CDKN2B: variants seen among roughly 807,000 people sequenced by gnomAD.
CDKN2B encodes the protein cyclin-dependent kinase 4 inhibitor B.
In CDKN2B, 8 loss-of-function variants were observed where a neutral mutation model predicts 7.7. That is an observed-to-expected ratio of 1.04 (90% CI 0.61 to 1.87). The LOEUF (loss-of-function observed/expected upper bound fraction) is 1.87, where lower values mean the gene tolerates loss of function less well. Among genes scored for constraint, CDKN2B ranks in the 40% most tolerant of loss-of-function variants. The pLI, the probability that CDKN2B is intolerant of heterozygous loss-of-function variation, is 0.00. For synonymous variants in CDKN2B, 93 were observed against 95.8 expected (o/e 0.97, Z 0.17); for missense variants, 244 against 213.1 (o/e 1.15, Z -0.90).
chr9:22,006,641 A>T lies in CDKN2B; in HGVS notation c.157-394T>A, dbSNP rs1821203140. ...AAGTTTTAAATTATTTGCCTTGCTGACCCCTCCTCCATAATCCAGGTCTAC... is the reference window on the plus strand; with the variant it reads ...AAGTTTTAAATTATTTGCCTTGCTGTCCCCTCCTCCATAATCCAGGTCTAC... On this transcript the variant is annotated intron_variant, in intron 1 of 1. Coordinates refer to ENST00000276925, the MANE Select transcript of CDKN2B (RefSeq NM_004936.4). The surrounding 1 kb of genome is among the most constrained non-coding windows in gnomAD (Gnocchi z 6.4). Among the ~76,000 whole-genome samples, 1 of 152,058 alleles carries T rather than the reference A, an allele frequency of 6.6e-6. No individual in the cohort carries two copies. The highest frequency in any genetic ancestry group is 2.1e-4 in the South Asian group (1 of 4,828).
chr9:22,008,097 G>A (rs907658537), intron 1 of CDKN2B, among the ~76,000 whole-genome samples: 2 of 152,164 alleles, frequency 1.3e-5, no homozygotes, highest in African/African-American at 4.8e-5. Flanking sequence ...TTGAATAAGT[G>A]TATTTTAACA....
rs1821131218 is a variant in CDKN2B, at chr9:22,005,551, A to T, written c.*436T>A. On this transcript the variant is annotated 3_prime_UTR_variant, in exon 2 of 2. Transcript: ENST00000276925. The surrounding 1 kb of genome is among the most constrained non-coding windows in gnomAD (Gnocchi z 4.9). ...TGGGTTCACCATAACTCCTCAGCAG[A>T]CATTGGAGTGAACGCATCGACTGCC... is the stretch of plus-strand genomic sequence containing the variant. The T allele has an allele frequency of 7.9e-6, 3 of 382,038 alleles. No homozygotes were observed. The South Asian group carries it at 9.5e-5, about 12-fold the overall frequency. 23.7% of individuals were successfully genotyped at this position (382,038 alleles called of 1,614,324 possible).
rs951715386 is a variant in CDKN2B at position 22,006,797 on chromosome 9, C to T, written c.157-550G>A. On this transcript the variant is annotated intron_variant, in intron 1 of 1. Transcript: ENST00000276925. This position sits in a 1 kb window ranked among gnomAD's most constrained non-coding sequence, Gnocchi z 6.4. ...TTTAGTTCTCATAGCAAATCCCGTG[C>T]GGAAGGCTTTTGTTTGTCATGTGTC... 4.0e-5 allele frequency among the ~76,000 whole-genome samples: 6 copies of T among 151,456 alleles called. No individual in the cohort carries two copies. Among genetic ancestry groups the T allele is most frequent in the African/African-American group, 1.2e-4 (5 of 41,254 alleles).
chr9:22,004,084 C>T lies in CDKN2B; in HGVS notation c.*1903G>A. Reference sequence around the variant, plus strand: ...ATTGTCCTCATCTGGGAAACAATACCTATCTCTCAGGTTTAAATATTAAAT... The same window carrying T: ...ATTGTCCTCATCTGGGAAACAATACTTATCTCTCAGGTTTAAATATTAAAT... On this transcript the variant is annotated 3_prime_UTR_variant, in exon 2 of 2. Coordinates refer to ENST00000276925, the MANE Select transcript of CDKN2B (RefSeq NM_004936.4). 4.3e-6 allele frequency: 1 copy of T among 232,574 alleles called. No individual in the cohort carries two copies. Among genetic ancestry groups the T allele is most frequent in the Non-Finnish European group, 8.5e-6 (1 of 117,666 alleles). 14.4% of individuals were successfully genotyped at this position (232,574 alleles called of 1,614,324 possible).
chr9:22,004,481 C>A lies in CDKN2B; in HGVS notation c.*1506G>T. Reference sequence around the variant, plus strand: ...ATTACAAACATTGAGAGAAGGGAACCCCTGTGAACCTTTAACATTTCTCAG... The same window carrying A: ...ATTACAAACATTGAGAGAAGGGAACACCTGTGAACCTTTAACATTTCTCAG... On this transcript the variant is annotated 3_prime_UTR_variant, in exon 2 of 2. Coordinates refer to ENST00000276925, the MANE Select transcript of CDKN2B (RefSeq NM_004936.4). 4.3e-6 allele frequency: 1 copy of A among 232,570 alleles called. No individual in the cohort carries two copies. Among genetic ancestry groups the A allele is most frequent in the East Asian group, 6.1e-5 (1 of 16,408 alleles). The allele number at this position is 232,570 out of a possible 1,614,324, so 14.4% of individuals were successfully genotyped here. A position where few individuals can be genotyped will look rare whatever the true frequency, so the allele number is the denominator to read the frequency against.
rs1821335703 is a variant in CDKN2B at position 22,008,855 on chromosome 9, G to A, written c.99C>T (p.Leu33=). 2 of 1,611,164 alleles carry A rather than the reference G, an allele frequency of 1.2e-6. No homozygotes were observed. Among genetic ancestry groups the A allele is most frequent in the East Asian group, 2.2e-5 (1 of 44,834 alleles). ...CGTTGGGATCCGCGCCGGCTTCCAGGAGCTGTCGCACCTTCTCCACTAGTC... is the reference window on the plus strand; with the variant it reads ...CGTTGGGATCCGCGCCGGCTTCCAGAAGCTGTCGCACCTTCTCCACTAGTC... ...ARGLVEKVRQ[L]LEAGADPNGV... Residue 33 remains leucine (L), a synonymous_variant, in exon 1 of 2, where the codon CTC becomes CTT. Coordinates refer to ENST00000276925, the MANE Select transcript of CDKN2B (RefSeq NM_004936.4).
chr9:22,005,848 T>A lies in CDKN2B; in HGVS notation c.*139A>T. 8.4e-7 allele frequency: 1 copy of A among 1,195,574 alleles called. No individual in the cohort carries two copies. The highest frequency in any genetic ancestry group is 2.5e-5 in the East Asian group (1 of 39,234). The allele number at this position is 1,195,574 out of a possible 1,614,324, so 74.1% of individuals were successfully genotyped here. The stretch of plus-strand genomic sequence containing the variant: ...AGGTTATTCCCGGTCGGCTCCTCCT[T>A]CCTGTGAGTCTCAGACAGGCTTGCA... On this transcript the variant is annotated 3_prime_UTR_variant, in exon 2 of 2. Coordinates refer to ENST00000276925, the MANE Select transcript of CDKN2B (RefSeq NM_004936.4). The surrounding 1 kb of genome is among the most constrained non-coding windows in gnomAD (Gnocchi z 4.9).
chr9:22,008,671 A>G (rs1377393431), intron 1 of CDKN2B, 127 bp downstream of exon 1: 1 of 1,607,636 alleles, frequency 6.2e-7, no homozygotes, highest in African/African-American at 1.3e-5. Context: ...CGTGGAATGC[A>G]CACCTCCGGC....
intron 1 of CDKN2B, among the ~76,000 whole-genome samples, chr9:22,007,982 C>G (rs575668635): frequency 6.6e-6 from 1 of 152,038 alleles, no homozygotes; most frequent in Non-Finnish European, 1.5e-5. Flanking sequence ...GAGGTGAGTA[C>G]TGAATATGAC....
At position 22,009,109 on chromosome 9, in the gene CDKN2B, C is replaced by T; in HGVS notation, c.-156G>A. ...TTACCCTCCCGTCGTCCTTCTGCGG[C>T]TTGGGGCCCCGTGCAGTGGCCGAGC... On this transcript the variant is annotated 5_prime_UTR_variant, in exon 1 of 2. Coordinates refer to ENST00000276925, the MANE Select transcript of CDKN2B (RefSeq NM_004936.4). 8.5e-7 allele frequency: 1 copy of T among 1,180,842 alleles called. No individual in the cohort carries two copies. The highest frequency in any genetic ancestry group is 1.2e-6 in the Non-Finnish European group (1 of 821,538). 73.1% of individuals were successfully genotyped at this position (1,180,842 alleles called of 1,614,324 possible). A position where few individuals can be genotyped will look rare whatever the true frequency, so the allele number is the denominator to read the frequency against.
At chr9:22,008,713 C>T in intron 1 of CDKN2B, 85 bp downstream of exon 1, 3 of 1,611,566 alleles carry the variant, frequency 1.9e-6, no homozygotes, top group Non-Finnish European at 2.5e-6. Flanking sequence ...TCTACATCGG[C>T]GATCTAGGTT....
intron 1 of CDKN2B, among the ~76,000 whole-genome samples, chr9:22,008,460 ATCT>A (rs1821302809): frequency 6.6e-6 from 1 of 152,174 alleles, no homozygotes; most frequent in South Asian, 2.1e-4. Context: ...TACTTTACTT[ATCT>A]TTATCGTTGA....
At position 22,009,014 on chromosome 9, in the gene CDKN2B, C is replaced by T; in HGVS notation, c.-61G>A. On this transcript the variant is annotated 5_prime_UTR_variant, in exon 1 of 2. Transcript: ENST00000276925. ...CCACCGTTGGCCGTAAACTTAACGA[C>T]ACTCTTCCCTTCTTTCCCACGCTGC... 2.5e-6 allele frequency: 4 copies of T among 1,609,770 alleles called. No individual in the cohort carries two copies. The Admixed American group carries it at 5.0e-5, about 20-fold the overall frequency.
Position 22,004,418 on chromosome 9 carries a change from C to T in CDKN2B, c.*1569G>A, listed in dbSNP as rs1209125622. ...TTTAATTTTCTATGGCATAAGTAAG[C>T]AGTTTTTATGAATTGCTGGTATTGC... On this transcript the variant is annotated 3_prime_UTR_variant, in exon 2 of 2. Transcript: ENST00000276925. 1.7e-5 allele frequency: 4 copies of T among 232,098 alleles called. No homozygotes were observed. The highest frequency in any genetic ancestry group is 4.4e-5 in the African/African-American group (2 of 45,284). The allele number at this position is 232,098 out of a possible 1,614,324, so 14.4% of individuals were successfully genotyped here. A position where few individuals can be genotyped will look rare whatever the true frequency, so the allele number is the denominator to read the frequency against.
rs763615328 is a variant in CDKN2B, at chr9:22,008,949, C to A, written c.5G>T (p.Arg2Leu). Residue 2 changes from arginine to leucine, a missense_variant, in exon 1 of 2, where the codon CGC (arginine) becomes CTC (leucine). Physicochemically the swap from Arg to Leu is moderately radical, Grantham distance 102. Transcript: ENST00000276925. ...ACTGGGCATGCCCTTGTTCTCCTCG[C>A]GCATTCCGCAGCCCCCAGACGCGCA... MREENKGMPSGG... is the reference protein window; with the variant it reads MLEENKGMPSGG... 1 of 1,613,058 alleles carries A rather than the reference C, an allele frequency of 6.2e-7. No individual in the cohort carries two copies. The highest frequency in any genetic ancestry group is 1.7e-5 in the Admixed American group (1 of 60,032).
rs1210079625 is a variant in CDKN2B, at chr9:22,003,502, A to G, written c.*2485T>C. 8.7e-6 allele frequency: 2 copies of G among 228,856 alleles called. No individual in the cohort carries two copies. The highest frequency in any genetic ancestry group is 1.7e-5 in the Non-Finnish European group (2 of 115,570). 14.2% of individuals were successfully genotyped at this position (228,856 alleles called of 1,614,324 possible). On this transcript the variant is annotated 3_prime_UTR_variant, in exon 2 of 2. Transcript: ENST00000276925. ...AAATTTAAACATCTTGGAATTTAAG[A>G]TATAGAGGTCAAATTAAGGGATTTT...
Position 22,005,892 on chromosome 9 carries a change from C to T in CDKN2B, c.*95G>A. ...GCTTGCAGGCTTACAGGCTTTCCGC[C>T]GCTCCCCGTTGGCAGCCTTCATCGA... On this transcript the variant is annotated 3_prime_UTR_variant, in exon 2 of 2. Transcript: ENST00000276925. The surrounding 1 kb of genome is among the most constrained non-coding windows in gnomAD (Gnocchi z 4.9). 5 of 1,507,530 alleles carry T rather than the reference C, an allele frequency of 3.3e-6. No homozygotes were observed. The highest frequency in any genetic ancestry group is 2.2e-4 in the Middle Eastern group (1 of 4,458). The allele number at this position is 1,507,530 out of a possible 1,614,324, so 93.4% of individuals were successfully genotyped here.
chr9:22,003,454 T>A lies in CDKN2B; in HGVS notation c.*2533A>T, dbSNP rs966386353. The A allele has an allele frequency of 8.8e-6, 2 of 227,476 alleles. No individual in the cohort carries two copies. The highest frequency in any genetic ancestry group is 1.3e-4 in the East Asian group (2 of 15,682). The allele number at this position is 227,476 out of a possible 1,614,324, so 14.1% of individuals were successfully genotyped here. ...ATCTATTTCAAGGGATAATTTTTCATGACCCAGTATAATGCAACTAGCAAA... is the reference window on the plus strand; with the variant it reads ...ATCTATTTCAAGGGATAATTTTTCAAGACCCAGTATAATGCAACTAGCAAA... On this transcript the variant is annotated 3_prime_UTR_variant, in exon 2 of 2. Transcript: ENST00000276925.
In CDKN2B at chr9:22,009,258, G is replaced by A. The variant is rs555150370; in HGVS notation, c.-305C>T. The stretch of plus-strand genomic sequence containing the variant: ...CTCAAAGCCGCTCTGGCCGCAGGGT[G>A]CGGACGCGTCGCGGAGTCCTCACTG... On this transcript the variant is annotated 5_prime_UTR_variant, in exon 1 of 2. Transcript: ENST00000276925. The A allele has an allele frequency of 5.6e-6, 3 of 534,376 alleles. No homozygotes were observed. In the South Asian group the frequency reaches 6.2e-5, roughly 11 times the overall value. The allele number at this position is 534,376 out of a possible 1,614,324, so 33.1% of individuals were successfully genotyped here. A position where few individuals can be genotyped will look rare whatever the true frequency, so the allele number is the denominator to read the frequency against.
Sources: gnomAD v4.1 joint callset for allele counts (sites outside exome capture counted in the v4.1 genomes callset) on GRCh38, gnomAD v4.1.1 for gene constraint, Gnocchi (gnomAD v3.1) non-coding constraint, MANE v1.5 for transcripts, NCBI Gene and HGNC (gene_info 2026-07-23, HGNC 2026-07-21) for gene names.